Variants in DEPDC4 observed in about 807,000 individuals in gnomAD.
DEPDC4 encodes DEP domain-containing protein 4.
DEPDC4 carries 52 observed loss-of-function variants against 52.0 expected under a neutral mutation model. That is an observed-to-expected ratio of 1.00 (90% confidence interval 0.80 to 1.26). The LOEUF is 1.26. Among genes scored for constraint, DEPDC4 ranks in the 50% most tolerant of loss-of-function variants. The pLI is 0.00. For missense variants in DEPDC4, 530 were observed against 546.9 expected, an observed-to-expected ratio of 0.97 and a Z score of 0.31; for synonymous variants, 201 against 196.8, an observed-to-expected ratio of 1.02 and a Z score of -0.18.
At chr12:100,266,882 A>G (rs765215335) in intron 1 of DEPDC4, 38 bp downstream of exon 1, 90 of 1,592,764 alleles carry the variant, frequency 5.7e-5, no homozygotes, top group Non-Finnish European at 7.4e-5. Context: ...TGCCCCCTCC[A>G]CCTTCACTGC....
downstream of DEPDC4, among the ~76,000 whole-genome samples, chr12:100,236,313 T>C (rs1165008310): frequency 1.3e-5 from 2 of 152,198 alleles, no homozygotes; most frequent in Admixed American, 6.5e-5. Context: ...CCACCAGTAA[T>C]GTAGAAGTGT....
At chr12:100,275,589 C>A in the DEPDC4 span, among the ~76,000 whole-genome samples, 11 of 152,114 alleles carry the variant, frequency 7.2e-5, no homozygotes, top group Non-Finnish European at 1.5e-4. Flanking sequence ...TAGATTGATT[C>A]CTTCTGATGT....
chr12:100,273,196 T>C, the DEPDC4 span, among the ~76,000 whole-genome samples: 1 of 152,158 alleles, frequency 6.6e-6, no homozygotes, highest in Non-Finnish European at 1.5e-5. Flanking sequence ...CTTTTTAGCC[T>C]CCTTTGCCAT....
chr12:100,262,166 T>G, intron 3 of DEPDC4, 98 bp downstream of exon 3: 1 of 1,216,704 alleles, frequency 8.2e-7, no homozygotes, highest in South Asian at 1.6e-5. Context: ...TACTTTCTGC[T>G]CTATTTTGCC....
the DEPDC4 span, among the ~76,000 whole-genome samples, chr12:100,274,574 C>A: frequency 3.9e-5 from 6 of 152,150 alleles, no homozygotes; most frequent in African/African-American, 1.4e-4. Context: ...GTGCTTTACT[C>A]TTAAGTGGCT....
the DEPDC4 span, among the ~76,000 whole-genome samples, chr12:100,276,098 A>G: frequency 1.3e-5 from 2 of 152,174 alleles, no homozygotes; most frequent in African/African-American, 2.4e-5. Flanking sequence ...TTGGTTTGCA[A>G]TTTTATTGCC....
At chr12:100,248,073 T>C (rs2096193339) in intron 8 of DEPDC4, among the ~76,000 whole-genome samples, 1 of 152,194 alleles carries the variant, frequency 6.6e-6, no homozygotes, top group African/African-American at 2.4e-5. Flanking sequence ...TTCATAAGTC[T>C]ATGTTAATCT....
At position 100,263,548 on chromosome 12, in the gene DEPDC4, T is replaced by C; in HGVS notation, c.503A>G (p.Asp168Gly). Reference sequence around the variant, plus strand: ...AGCATCCTTTTGTCTTTTGCAACAATCGTAAGATGATTTATTGCCTAGAAA... The same window carrying C: ...AGCATCCTTTTGTCTTTTGCAACAACCGTAAGATGATTTATTGCCTAGAAA... Reference protein sequence around the residue: ...YRFLGNKSSYDCCKRQKDAEN... With the variant: ...YRFLGNKSSYGCCKRQKDAEN... Residue 168 changes from aspartate (D) to glycine (G), a missense_variant, in exon 2 of 10, where the codon GAT (aspartate) becomes GGT (glycine). Coordinates refer to ENST00000550587, the MANE Select transcript of DEPDC4 (RefSeq NM_001364818.2). The C allele has an allele frequency of 6.2e-7, 1 of 1,608,716 alleles. No individual in the cohort carries two copies. The highest frequency in any genetic ancestry group is 8.5e-7 in the Non-Finnish European group (1 of 1,178,236).
intron 5 of DEPDC4, among the ~76,000 whole-genome samples, chr12:100,253,097 T>TA (rs1424968939): frequency 1.3e-5 from 2 of 152,168 alleles, no homozygotes; most frequent in African/African-American, 4.8e-5. Context: ...TTGGTATTTT[T>TA]AGTAGAGACA....
rs2096231124 is a variant in DEPDC4 at position 100,256,060 on chromosome 12, TA to T, written c.866del (p.Leu289TyrfsTer24). 1 of 1,600,858 alleles carries T rather than the reference TA, an allele frequency of 6.2e-7. No individual in the cohort carries two copies. The highest frequency in any genetic ancestry group is 1.3e-5 in the African/African-American group (1 of 74,580). ...AAATGGTCACTTACTCAGGTAGACA[TA>T]AGCTTGGAATAAGTTCTCTGTCTAG... is the stretch of plus-strand genomic sequence containing the variant. ...TCLDRELIPSLCLPEIDNWLN... is the reference protein window; with the variant it reads ...TCLDRELIPSXCLPEIDNWLN... On this transcript the variant is annotated frameshift_variant, in exon 4 of 10. Coordinates refer to ENST00000550587, the MANE Select transcript of DEPDC4 (RefSeq NM_001364818.2). LOFTEE classifies it high-confidence loss of function.
chr12:100,261,657 A>G (rs886279980), intron 3 of DEPDC4: 27 of 455,666 alleles, frequency 5.9e-5, no homozygotes, highest in South Asian at 4.0e-4. Flanking sequence ...TGCAGACTAT[A>G]GCACCTCCAG....
downstream of DEPDC4, chr12:100,237,738 T>C (rs1592861098): frequency 6.6e-6 from 1 of 152,312 alleles, no homozygotes; most frequent in Non-Finnish European, 1.5e-5. Flanking sequence ...TATTTCATTT[T>C]TTATTTCTTT....
rs1006381828 is a variant in DEPDC4, at chr12:100,266,147, T to C, written c.157+773A>G. ...TAACTTAGAACTTCTAGAATGTTTT[T>C]TCTAGATTTGCAGGGGGAAGTGGGT... On this transcript the variant is annotated intron_variant, in intron 1 of 9. Transcript: ENST00000550587. Among the ~76,000 whole-genome samples, 5 of 152,058 alleles carry C rather than the reference T, an allele frequency of 3.3e-5. No individual in the cohort carries two copies. The East Asian group carries it at 7.7e-4, about 23-fold the overall frequency.
Position 100,240,640 on chromosome 12 carries a change from A to G in DEPDC4, c.*1252T>C, listed in dbSNP as rs1024272487. 2.0e-5 allele frequency among the ~76,000 whole-genome samples: 3 copies of G among 152,266 alleles called. No homozygotes were observed. The highest frequency in any genetic ancestry group is 7.2e-5 in the African/African-American group (3 of 41,478). On this transcript the variant is annotated 3_prime_UTR_variant, in exon 10 of 10. Coordinates refer to ENST00000550587, the MANE Select transcript of DEPDC4 (RefSeq NM_001364818.2). Reference sequence around the variant, plus strand: ...AGAGAGAGAAAGAGGAAAGAAAAGGAAGGAGCAGAGAAAGAATGAGAAGGA... The same window carrying G: ...AGAGAGAGAAAGAGGAAAGAAAAGGGAGGAGCAGAGAAAGAATGAGAAGGA...
intron 3 of DEPDC4, chr12:100,257,920 T>G (rs972389516): frequency 6.6e-6 from 1 of 152,182 alleles, no homozygotes; most frequent in African/African-American, 2.4e-5. Context: ...TAAAGTACTT[T>G]GAAGAAAATT....
At chr12:100,233,483 C>A (rs945015594) in intron 9 of DEPDC4, among the ~76,000 whole-genome samples, 3 of 152,166 alleles carry the variant, frequency 2.0e-5, no homozygotes, top group Non-Finnish European at 4.4e-5. Flanking sequence ...TGTCTTCATA[C>A]CTCTATACAT....
At chr12:100,232,969 T>C (rs187005292) in intron 9 of DEPDC4, among the ~76,000 whole-genome samples, 3 of 152,256 alleles carry the variant, frequency 2.0e-5, no homozygotes, top group Admixed American at 2.0e-4. Context: ...TAAAATAGTG[T>C]AACCTGTGAC....
At chr12:100,279,547 C>T in the DEPDC4 span, among the ~76,000 whole-genome samples, 1 of 152,154 alleles carries the variant, frequency 6.6e-6, no homozygotes, top group Non-Finnish European at 1.5e-5. Flanking sequence ...TTTTTTTGTG[C>T]ATGTTATGTG....
intron 4 of DEPDC4, among the ~76,000 whole-genome samples, chr12:100,255,351 C>A (rs1462010166): frequency 1.3e-5 from 2 of 152,178 alleles, no homozygotes; most frequent in Non-Finnish European, 2.9e-5. Context: ...ACAAACAGGA[C>A]CATAGTTGAC....
Sources: gnomAD v4.1 joint callset for allele counts (sites outside exome capture counted in the v4.1 genomes callset) on GRCh38, gnomAD v4.1.1 for gene constraint, MANE v1.5 for transcripts, NCBI Gene and HGNC (gene_info 2026-07-23, HGNC 2026-07-21) for gene names.